The following MAGI2 variants were observed in gnomAD, a reference collection of about 807,000 sequenced individuals.
The protein encoded by MAGI2 is membrane associated guanylate kinase, WW and PDZ domain containing 2.
A neutral mutation model predicts 133.3 loss-of-function variants in MAGI2; 35 were observed. The observed-to-expected ratio is 0.26, with a 90% CI of 0.20 to 0.35. MAGI2 has a LOEUF of 0.35. Among genes scored for constraint, MAGI2 ranks in the 10% least tolerant of loss-of-function variants. The pLI, the probability that MAGI2 is intolerant of heterozygous loss-of-function variation, is 1.00. For missense variants in MAGI2, 1,636 were observed against 1,863.4 expected, an observed-to-expected ratio of 0.88 and a Z score of 2.25; for synonymous variants, 729 against 710.6, an observed-to-expected ratio of 1.03 and a Z score of -0.41.
chr7:78,208,968 A>C (rs1787418616), intron 10 of MAGI2, among the ~76,000 whole-genome samples: 1 of 151,344 alleles, frequency 6.6e-6, no homozygotes, highest in Non-Finnish European at 1.5e-5. Flanking sequence ...CACGCCTGTA[A>C]TCCCAGCACT....
intron 20 of MAGI2, among the ~76,000 whole-genome samples, chr7:78,085,197 A>T (rs1237452829): frequency 2.0e-5 from 3 of 152,280 alleles, no homozygotes; most frequent in Non-Finnish European, 4.4e-5. Flanking sequence ...AAACTGTCTG[A>T]GACTCTCTTT....
At position 79,177,460 on chromosome 7, in the gene MAGI2, A is replaced by AT. The variant is rs537636044; in HGVS notation, c.302-170255dup. Reference sequence around the variant, plus strand: ...CCTCTAAACATAAGCTACAAGTTCTATTTTCACATGATAGTTTTCCTTGCC... The same window carrying AT: ...CCTCTAAACATAAGCTACAAGTTCTATTTTTCACATGATAGTTTTCCTTGCC... On this transcript the variant is annotated intron_variant, in intron 1 of 21. Coordinates refer to ENST00000354212, the MANE Select transcript of MAGI2 (RefSeq NM_012301.4). 8.9e-4 allele frequency among the ~76,000 whole-genome samples: 136 copies of AT among 152,114 alleles called. 1 individual carries two copies. Among genetic ancestry groups the AT allele is most frequent in the African/African-American group, 3.1e-3 (128 of 41,452 alleles).
chr7:79,453,439 G>T lies in MAGI2; in HGVS notation c.-119C>A, dbSNP rs916275653. 2.9e-5 allele frequency: 44 copies of T among 1,493,694 alleles called. No homozygotes were observed. Among genetic ancestry groups the T allele is most frequent in the Non-Finnish European group, 3.8e-5 (43 of 1,129,392 alleles). 92.5% of individuals were successfully genotyped at this position (1,493,694 alleles called of 1,614,324 possible). ...GGGAAGAACAGCAGACTTTGCCTTC[G>T]CCCCCCTCTATTCGGTGCTTTCCCT... On this transcript the variant is annotated 5_prime_UTR_variant, in exon 1 of 22. Coordinates refer to ENST00000354212, the MANE Select transcript of MAGI2 (RefSeq NM_012301.4).
chr7:78,701,547 T>A (rs10239807), intron 2 of MAGI2, among the ~76,000 whole-genome samples: 5,138 of 152,012 alleles, frequency 0.034, 243 homozygotes, highest in African/African-American at 0.11. Context: ...GTAGGAACAC[T>A]AAGTTCACAG....
chr7:78,445,316 T>C (rs1584155994), intron 6 of MAGI2, among the ~76,000 whole-genome samples: 1 of 152,100 alleles, frequency 6.6e-6, no homozygotes, highest in African/African-American at 2.4e-5. Flanking sequence ...TCACCATAAT[T>C]CACACAATGT....
intron 2 of MAGI2, among the ~76,000 whole-genome samples, chr7:78,890,462 A>G (rs926825615): frequency 1.3e-5 from 2 of 152,194 alleles, no homozygotes; most frequent in African/African-American, 4.8e-5. Flanking sequence ...TCCAAAATTG[A>G]CCACATAGTT....
rs532480584 is a variant in MAGI2, at chr7:79,229,084, A to AT, written c.302-221879dup. ...GCTCTGCAGGATGTATACGACAATG[A>AT]TTTTTTTTTTTTGAGCCAAAAATAA... On this transcript the variant is annotated intron_variant, in intron 1 of 21. Coordinates refer to ENST00000354212, the MANE Select transcript of MAGI2 (RefSeq NM_012301.4). 8.5e-3 allele frequency among the ~76,000 whole-genome samples: 1,241 copies of AT among 145,598 alleles called. 14 individuals carry two copies. The highest frequency in any genetic ancestry group is 0.024 in the East Asian group (121 of 4,972).
In MAGI2 at chr7:79,295,260, C is replaced by T. The variant is rs1238256875; in HGVS notation, c.301+157760G>A. Among the ~76,000 whole-genome samples the T allele has an allele frequency of 2.0e-5, 3 of 152,086 alleles. No individual in the cohort carries two copies. In the South Asian group the frequency reaches 6.2e-4, roughly 32 times the overall value. On this transcript the variant is annotated intron_variant, in intron 1 of 21. Coordinates refer to ENST00000354212, the MANE Select transcript of MAGI2 (RefSeq NM_012301.4). ...CTTTAGAGCTAATTTTATATGTCCT[C>T]ATGCCCAAAGAAGTGTTATATATTT...
intron 20 of MAGI2, among the ~76,000 whole-genome samples, chr7:78,084,510 A>G (rs1489898154): frequency 2.0e-5 from 3 of 152,266 alleles, no homozygotes; most frequent in Non-Finnish European, 4.4e-5. Flanking sequence ...GCACCTCAGC[A>G]TACCTCAAGC....
At chr7:79,054,423 T>C (rs1200650433) in intron 1 of MAGI2, among the ~76,000 whole-genome samples, 1 of 152,186 alleles carries the variant, frequency 6.6e-6, no homozygotes, top group Non-Finnish European at 1.5e-5. Flanking sequence ...TATTCTCTCT[T>C]CCTGACTTAT....
chr7:79,363,220 A>G (rs1297833512), intron 1 of MAGI2, among the ~76,000 whole-genome samples: 1 of 145,440 alleles, frequency 6.9e-6, no homozygotes, highest in African/African-American at 2.5e-5. Flanking sequence ...TGAAATTCTT[A>G]GGTATACAGT....
chr7:78,239,186 G>T (rs1197718220), intron 10 of MAGI2, among the ~76,000 whole-genome samples: 2 of 152,174 alleles, frequency 1.3e-5, no homozygotes, highest in Admixed American at 6.5e-5. Context: ...AGTAAATGGT[G>T]TTGGTAAAAC....
In MAGI2 at chr7:78,930,633, G is replaced by A. The variant is rs1415693622; in HGVS notation, c.418+76457C>T. 2.6e-5 allele frequency among the ~76,000 whole-genome samples: 4 copies of A among 152,118 alleles called. No individual in the cohort carries two copies. The East Asian group carries it at 5.8e-4, about 22-fold the overall frequency. The stretch of plus-strand genomic sequence containing the variant: ...TTTAAAGATCTTATCAGAAACATAA[G>A]AGAATCCATTCATTACTTCTAACTC... On this transcript the variant is annotated intron_variant, in intron 2 of 21. Coordinates refer to ENST00000354212, the MANE Select transcript of MAGI2 (RefSeq NM_012301.4).
At chr7:79,080,792 T>C (rs1412090544) in intron 1 of MAGI2, among the ~76,000 whole-genome samples, 1 of 152,070 alleles carries the variant, frequency 6.6e-6, no homozygotes. Context: ...TTCTCCTAAA[T>C]CTCTCAAATC....
chr7:78,139,225 G>A (rs997137372), intron 16 of MAGI2, among the ~76,000 whole-genome samples: 4 of 152,124 alleles, frequency 2.6e-5, no homozygotes, highest in African/African-American at 9.7e-5. Flanking sequence ...TACCTGACGT[G>A]GTTTTATTAC....
chr7:79,258,101 A>G (rs768707737), intron 1 of MAGI2, among the ~76,000 whole-genome samples: 24 of 152,192 alleles, frequency 1.6e-4, no homozygotes, highest in Non-Finnish European at 3.2e-4. Context: ...ATTGATTTTA[A>G]AGCCAGTCAC....
intron 2 of MAGI2, among the ~76,000 whole-genome samples, chr7:78,686,701 T>A (rs1444799103): frequency 2.6e-5 from 4 of 152,172 alleles, no homozygotes; most frequent in Non-Finnish European, 2.9e-5. Flanking sequence ...GAGTGCATAT[T>A]TCTGAAAAAG....
intron 2 of MAGI2, among the ~76,000 whole-genome samples, chr7:78,966,835 CTTTTT>C (rs34597215): frequency 7.7e-6 from 1 of 129,060 alleles, no homozygotes; most frequent in Non-Finnish European, 1.7e-5. Context: ...GCCTACACGT[CTTTTT>C]TTTTTTTTTT....
chr7:78,287,982 C>T (rs906173789), intron 9 of MAGI2, among the ~76,000 whole-genome samples: 1 of 152,068 alleles, frequency 6.6e-6, no homozygotes, highest in African/African-American at 2.4e-5. Flanking sequence ...CAAAGGTACC[C>T]AAGTTATCAT....
Sources: gnomAD v4.1 joint callset for allele counts (sites outside exome capture counted in the v4.1 genomes callset) on GRCh38, gnomAD v4.1.1 for gene constraint, MANE v1.5 for transcripts, NCBI Gene and HGNC (gene_info 2026-07-23, HGNC 2026-07-21) for gene names.